Variants in ESYT2 observed in about 807,000 individuals in gnomAD.
ESYT2 encodes extended synaptotagmin-2.
In ESYT2, 54 loss-of-function variants were observed where a neutral mutation model predicts 107.2. The observed-to-expected ratio is 0.50, with a 90% CI of 0.40 to 0.63. The LOEUF is 0.63. ESYT2 is among the 30% of genes least tolerant of loss of function. The pLI, the probability that ESYT2 is intolerant of heterozygous loss-of-function variation, is 0.00. For synonymous variants in ESYT2, 491 were observed against 434.1 expected, an observed-to-expected ratio of 1.13 and a Z score of -1.63; for missense variants, 1,020 against 1,094.5, an observed-to-expected ratio of 0.93 and a Z score of 0.96.
At chr7:158,819,359 AAATT>A (rs899826476) in intron 1 of ESYT2, among the ~76,000 whole-genome samples, 2 of 120,912 alleles carry the variant, frequency 1.7e-5, no homozygotes, top group African/African-American at 6.4e-5. Flanking sequence ...AAAGAGCAGA[AAATT>A]AAATATCTCA....
In ESYT2 at chr7:158,750,660, G is replaced by A. The variant is rs151103203; in HGVS notation, c.1483-937C>T. ...TGAATTCTGCAAAATAAGTACTGTT[G>A]AAAAAAGTTTCCAAGGCTACAGATT... On this transcript the variant is annotated intron_variant, in intron 14 of 22. Transcript: ENST00000275418. Among the ~76,000 whole-genome samples, 776 of 152,238 alleles carry A rather than the reference G, an allele frequency of 5.1e-3. 4 individuals are homozygous for A. Among genetic ancestry groups the A allele is most frequent in the African/African-American group, 0.018 (745 of 41,566 alleles).
intron 13 of ESYT2, among the ~76,000 whole-genome samples, chr7:158,755,502 G>A (rs140954367): frequency 6.6e-6 from 1 of 152,304 alleles, no homozygotes; most frequent in East Asian, 1.9e-4. Flanking sequence ...ACTTGGAAAA[G>A]CTATTGGAGA....
chr7:158,757,261 A>G (rs842431), intron 13 of ESYT2, among the ~76,000 whole-genome samples: 123,580 of 152,226 alleles, frequency 0.81, 50,950 homozygotes, highest in Non-Finnish European at 0.89. Context: ...AGCCAACTGC[A>G]TTAGAAGTTC....
intron 9 of ESYT2, among the ~76,000 whole-genome samples, chr7:158,763,874 G>A (rs1237164305): frequency 1.3e-5 from 2 of 152,154 alleles, no homozygotes; most frequent in Non-Finnish European, 2.9e-5. Context: ...ATAACCACGA[G>A]TTATCTGCTT....
At chr7:158,789,942 T>C (rs1275488353) in intron 4 of ESYT2, among the ~76,000 whole-genome samples, 1 of 152,210 alleles carries the variant, frequency 6.6e-6, no homozygotes, top group African/African-American at 2.4e-5. Context: ...CACTGACTGA[T>C]GGACTCAAAC....
intron 6 of ESYT2, among the ~76,000 whole-genome samples, chr7:158,774,815 C>T (rs1424289469): frequency 1.3e-5 from 2 of 152,176 alleles, no homozygotes; most frequent in Admixed American, 6.5e-5. Context: ...TCACACAGCG[C>T]ACCATCAGAG....
At chr7:158,763,342 TGGA>T (rs1223075227) in intron 9 of ESYT2, among the ~76,000 whole-genome samples, 177 bp from the exon 10 acceptor site, 3 of 152,176 alleles carry the variant, frequency 2.0e-5, no homozygotes, top group Non-Finnish European at 4.4e-5. Flanking sequence ...TCTCCCAGGT[TGGA>T]GTGCAGTGGC....
intron 2 of ESYT2, 96 bp from the exon 3 acceptor site, chr7:158,798,172 G>C (rs1232901561): frequency 7.5e-7 from 1 of 1,326,382 alleles, no homozygotes; most frequent in East Asian, 2.4e-5. Context: ...ACCAAACCTG[G>C]TTTTGAAAAT....
In ESYT2 at chr7:158,817,542, G is replaced by GTCCCACCTTTCTGAACCAATGTACCCA. The variant is rs1554427177; in HGVS notation, c.330+11546_330+11547insTGGGTACATTGGTTCAGAAAGGTGGGA. ...CCCACCTTTCTGAACCAATGTACCT[G>GTCCCACCTTTCTGAACCAATGTACCCA]CTTCCAGGTGTCCCACCTTTCTGAA... On this transcript the variant is annotated intron_variant, in intron 1 of 22. Coordinates refer to ENST00000275418, the MANE Select transcript of ESYT2 (RefSeq NM_001367773.1). Among the ~76,000 whole-genome samples the GTCCCACCTTTCTGAACCAATGTACCCA allele has an allele frequency of 4.0e-4, 58 of 145,920 alleles. 1 individual carries two copies. Among genetic ancestry groups the GTCCCACCTTTCTGAACCAATGTACCCA allele is most frequent in the Non-Finnish European group, 6.2e-4 (41 of 66,010 alleles).
intron 1 of ESYT2, among the ~76,000 whole-genome samples, chr7:158,816,897 A>G (rs1840161914): frequency 6.6e-6 from 1 of 152,238 alleles, no homozygotes; most frequent in Non-Finnish European, 1.5e-5. Flanking sequence ...TCAAAAGTCT[A>G]GCACTCAGAT....
rs138350945 is a variant in ESYT2 at position 158,737,488 on chromosome 7, C to T, written c.2268-309G>A. Among the ~76,000 whole-genome samples the T allele has an allele frequency of 5.6e-3, 845 of 152,246 alleles. 10 individuals are homozygous for T. Among genetic ancestry groups the T allele is most frequent in the Admixed American group, 0.023 (347 of 15,282 alleles). Reference sequence around the variant, plus strand: ...TGACGGTTGTCTTTCCATAATGCTTCTGCCATTTTCTCTCTCACAGCCAAG... The same window carrying T: ...TGACGGTTGTCTTTCCATAATGCTTTTGCCATTTTCTCTCTCACAGCCAAG... On this transcript the variant is annotated intron_variant, in intron 19 of 22. Transcript: ENST00000275418.
At chr7:158,814,421 G>A (rs1256575310) in intron 1 of ESYT2, among the ~76,000 whole-genome samples, 3 of 149,000 alleles carry the variant, frequency 2.0e-5, no homozygotes, top group Admixed American at 2.0e-4. Flanking sequence ...TACTCGTCCC[G>A]ATTACTCTCA....
At chr7:158,785,660 AG>A in intron 6 of ESYT2, among the ~76,000 whole-genome samples, 1 of 152,206 alleles carries the variant, frequency 6.6e-6, no homozygotes, top group East Asian at 1.9e-4. Context: ...ACTGAGGCTT[AG>A]AGAAGTAAGT....
chr7:158,815,658 T>A lies in ESYT2; in HGVS notation c.330+13431A>T, dbSNP rs566713943. On this transcript the variant is annotated intron_variant, in intron 1 of 22. Coordinates refer to ENST00000275418, the MANE Select transcript of ESYT2 (RefSeq NM_001367773.1). ...CTTATGGTGCTGCTTCCTGTGGTCATCTCAGTTCCCACAGTTCCTAACCCT... is the reference window on the plus strand; with the variant it reads ...CTTATGGTGCTGCTTCCTGTGGTCAACTCAGTTCCCACAGTTCCTAACCCT... Among the ~76,000 whole-genome samples the A allele has an allele frequency of 9.9e-5, 15 of 152,264 alleles. No individual in the cohort carries two copies. The East Asian group carries it at 2.7e-3, about 27-fold the overall frequency.
At chr7:158,819,358 AAAATT>A (rs71865364) in intron 1 of ESYT2, among the ~76,000 whole-genome samples, 16,516 of 152,212 alleles carry the variant, frequency 0.11, 917 homozygotes, top group African/African-American at 0.13. Flanking sequence ...AAAAGAGCAG[AAAATT>A]AAATATCTCA....
chr7:158,821,703 C>G (rs1357501814), intron 1 of ESYT2, among the ~76,000 whole-genome samples: 1 of 152,142 alleles, frequency 6.6e-6, no homozygotes, highest in Non-Finnish European at 1.5e-5. Context: ...CTGCTGGGCC[C>G]AGAGTAAGTC....
chr7:158,823,273 C>T (rs147555428), intron 1 of ESYT2, among the ~76,000 whole-genome samples: 2,116 of 107,648 alleles, frequency 0.02, 65 homozygotes, highest in African/African-American at 0.075. Context: ...CCAGCCTGGG[C>T]GACAGAGTGA....
At chr7:158,782,488 G>A (rs1484584624) in intron 6 of ESYT2, among the ~76,000 whole-genome samples, 1 of 22,606 alleles carries the variant, frequency 4.4e-5, no homozygotes, top group Non-Finnish European at 3.0e-4. Context: ...AGTGAGAGGT[G>A]TGTGTGAAAC....
chr7:158,739,799 C>T (rs536116510), intron 18 of ESYT2, among the ~76,000 whole-genome samples: 1 of 90,280 alleles, frequency 1.1e-5, no homozygotes, highest in African/African-American at 5.7e-5. Flanking sequence ...TATACCCCCC[C>T]CTTCGCAGTT....
Sources: gnomAD v4.1 joint callset for allele counts (sites outside exome capture counted in the v4.1 genomes callset) on GRCh38, gnomAD v4.1.1 for gene constraint, MANE v1.5 for transcripts, NCBI Gene and HGNC (gene_info 2026-07-23, HGNC 2026-07-21) for gene names.